The following MTNAP1 variants were observed in gnomAD, a reference collection of about 807,000 sequenced individuals.
MTNAP1 encodes mitochondrial nucleoid associated protein 1, also known as mitochondrial nucleoid-associated protein 1.
chr17:73,243,041 C>A, the MTNAP1 span: 1 of 1,503,478 alleles, frequency 6.7e-7, no homozygotes, highest in Non-Finnish European at 9.2e-7. Flanking sequence ...ATAACAGGTC[C>A]CATTCCGTTA....
the MTNAP1 span, chr17:73,236,993 A>G: frequency 6.5e-7 from 1 of 1,543,490 alleles, no homozygotes; most frequent in Non-Finnish European, 8.7e-7. Flanking sequence ...AGACTCTCAC[A>G]AGGTAAACAA....
the MTNAP1 span, among the ~76,000 whole-genome samples, chr17:73,233,951 G>GA: frequency 6.6e-6 from 1 of 152,188 alleles, no homozygotes; most frequent in Non-Finnish European, 1.5e-5. Flanking sequence ...TGTTTTGAAG[G>GA]ACTTCGTACA....
At chr17:73,236,980 G>A in the MTNAP1 span, 1 of 1,574,196 alleles carries the variant, frequency 6.4e-7, no homozygotes, top group Non-Finnish European at 8.6e-7. Flanking sequence ...TCCCCAGGGG[G>A]AAAGACTCTC....
At chr17:73,239,373 G>GA in the MTNAP1 span, among the ~76,000 whole-genome samples, 3 of 151,996 alleles carry the variant, frequency 2.0e-5, no homozygotes, top group Non-Finnish European at 4.4e-5. Flanking sequence ...CATTTTAGAG[G>GA]AAAAAGTGAG....
At chr17:73,248,162 A>G in the MTNAP1 span, 134 of 281,832 alleles carry the variant, frequency 4.8e-4, 1 homozygote, top group African/African-American at 2.7e-3. Context: ...TGTATGCAAA[A>G]TTCCTATCAG....
the MTNAP1 span, among the ~76,000 whole-genome samples, chr17:73,241,302 C>T: frequency 2.0e-5 from 3 of 152,082 alleles, no homozygotes; most frequent in African/African-American, 7.2e-5. Flanking sequence ...GGACTACAAG[C>T]GCCCGCCACC....
the MTNAP1 span, among the ~76,000 whole-genome samples, chr17:73,240,796 A>G: frequency 6.6e-6 from 1 of 152,224 alleles, no homozygotes; most frequent in African/African-American, 2.4e-5. Context: ...TGATCCTGAC[A>G]CTGCTGACAA....
chr17:73,239,541 C>T, the MTNAP1 span, among the ~76,000 whole-genome samples: 11 of 131,298 alleles, frequency 8.4e-5, no homozygotes, highest in Non-Finnish European at 1.6e-4. Flanking sequence ...TTTCTTGAGA[C>T]AGAGTCTTGC....
chr17:73,236,156 C>G, the MTNAP1 span: 23 of 1,613,998 alleles, frequency 1.4e-5, no homozygotes, highest in Non-Finnish European at 1.9e-5. Flanking sequence ...GATGTGCCTA[C>G]TGGTGATTGT....
At chr17:73,243,508 A>G in the MTNAP1 span, among the ~76,000 whole-genome samples, 3 of 150,430 alleles carry the variant, frequency 2.0e-5, no homozygotes, top group Admixed American at 6.6e-5. Context: ...AGATTTGACT[A>G]GAATTTACAT....
the MTNAP1 span, chr17:73,236,193 T>C: frequency 7.4e-6 from 12 of 1,614,072 alleles, no homozygotes; most frequent in Non-Finnish European, 1.0e-5. Context: ...ATGTCAGTGA[T>C]GGGGTTAAAA....
chr17:73,238,484 A>T, the MTNAP1 span, among the ~76,000 whole-genome samples: 126 of 152,356 alleles, frequency 8.3e-4, no homozygotes, highest in South Asian at 1.2e-3. Flanking sequence ...TGGTCTCAAA[A>T]TGGATGTGTA....
chr17:73,247,635 G>T, the MTNAP1 span: 1 of 254,240 alleles, frequency 3.9e-6, no homozygotes, highest in Non-Finnish European at 7.6e-6. Context: ...TGATCCATGA[G>T]TCCTAAAAGG....
At chr17:73,239,339 G>A in the MTNAP1 span, among the ~76,000 whole-genome samples, 1 of 152,128 alleles carries the variant, frequency 6.6e-6, no homozygotes, top group Non-Finnish European at 1.5e-5. Context: ...ATAGTGCTTA[G>A]GAGTGTCCTT....
At chr17:73,237,974 T>A in the MTNAP1 span, among the ~76,000 whole-genome samples, 2 of 152,054 alleles carry the variant, frequency 1.3e-5, no homozygotes, top group Non-Finnish European at 2.9e-5. Context: ...AACCAGTGAT[T>A]GAGCCTGGAA....
chr17:73,235,850 T>C, the MTNAP1 span: 1 of 1,614,092 alleles, frequency 6.2e-7, no homozygotes, highest in African/African-American at 1.3e-5. Context: ...TTCAAAATGT[T>C]AAAAAATACT....
chr17:73,235,406 C>A, the MTNAP1 span: 3 of 1,291,288 alleles, frequency 2.3e-6, no homozygotes, highest in East Asian at 2.4e-5. Flanking sequence ...TTAAAAGATA[C>A]AACACATAAG....
the MTNAP1 span, chr17:73,247,612 T>C: frequency 2.8e-6 from 1 of 351,134 alleles, no homozygotes; most frequent in South Asian, 3.5e-5. Context: ...TTAATGAGAA[T>C]AGAACTATTT....
At chr17:73,247,857 T>G in the MTNAP1 span, 2 of 155,146 alleles carry the variant, frequency 1.3e-5, no homozygotes, top group African/African-American at 4.8e-5. Flanking sequence ...TGGAAACATC[T>G]CCACATTCTG....
Sources: gnomAD v4.1 joint callset for allele counts (sites outside exome capture counted in the v4.1 genomes callset) on GRCh38, gnomAD v4.1.1 for gene constraint, MANE v1.5 for transcripts, NCBI Gene and HGNC (gene_info 2026-07-23, HGNC 2026-07-21) for gene names.